The following PRDM16 variants were observed in gnomAD, a reference collection of about 807,000 sequenced individuals.
The protein encoded by PRDM16 is histone-lysine N-methyltransferase PRDM16.
Under a neutral mutation model 110.6 loss-of-function variants are expected in PRDM16, and 23 were observed. The ratio of observed to expected loss-of-function variants is 0.21; its 90% CI spans 0.15 to 0.29. PRDM16 has a LOEUF of 0.29. Among genes scored for constraint, PRDM16 ranks in the 10% least tolerant of loss-of-function variants. PRDM16 has a pLI of 1.00. For missense variants in PRDM16, 1,615 were observed against 1,794.3 expected, an observed-to-expected ratio of 0.90 and a Z score of 1.81; for synonymous variants, 799 against 781.8, an observed-to-expected ratio of 1.02 and a Z score of -0.37.
chr1:3,365,915 C>T (rs1045883770), intron 3 of PRDM16, among the ~76,000 whole-genome samples: 1 of 146,974 alleles, frequency 6.8e-6, no homozygotes, highest in Non-Finnish European at 1.5e-5. Context: ...CACATGCACA[C>T]ATACACACAC....
intron 2 of PRDM16, among the ~76,000 whole-genome samples, chr1:3,200,742 T>C (rs1261894113): frequency 6.6e-6 from 1 of 152,166 alleles, no homozygotes; most frequent in Non-Finnish European, 1.5e-5. Flanking sequence ...CAGAGAGTGC[T>C]GCTTGTCCTA....
intron 3 of PRDM16, among the ~76,000 whole-genome samples, chr1:3,336,545 A>T (rs922720756): frequency 1.4e-5 from 2 of 145,430 alleles, no homozygotes; most frequent in Non-Finnish European, 3.0e-5. Flanking sequence ...TCTGTGTGTG[A>T]GTGCATGCAT....
intron 1 of PRDM16, among the ~76,000 whole-genome samples, chr1:3,151,565 T>A (rs1375280362): frequency 6.6e-6 from 1 of 152,192 alleles, no homozygotes; most frequent in African/African-American, 2.4e-5. Flanking sequence ...GAGGTGAGAT[T>A]TACCTGATTC....
At chr1:3,197,046 G>A (rs1326934547) in intron 2 of PRDM16, among the ~76,000 whole-genome samples, 6 of 152,130 alleles carry the variant, frequency 3.9e-5, no homozygotes, top group South Asian at 2.1e-4. Flanking sequence ...TCCTGTCCCC[G>A]GCCACAGCTG....
chr1:3,163,420 G>A (rs2742674), intron 1 of PRDM16, among the ~76,000 whole-genome samples: 6,673 of 115,104 alleles, frequency 0.058, 621 homozygotes, highest in South Asian at 0.092. Flanking sequence ...TCTCCAAGGC[G>A]TGCACAGCCG....
intron 2 of PRDM16, among the ~76,000 whole-genome samples, chr1:3,220,330 C>T (rs1046075765): frequency 1.3e-5 from 2 of 152,176 alleles, no homozygotes; most frequent in African/African-American, 2.4e-5. Flanking sequence ...GCCCCAGGAC[C>T]TGTGGTCTGT....
rs985004388 is a variant in PRDM16 at position 3,190,391 on chromosome 1, G to A, written c.387+3917G>A. 4.6e-5 allele frequency among the ~76,000 whole-genome samples: 7 copies of A among 152,176 alleles called. No individual in the cohort carries two copies. The highest frequency in any genetic ancestry group is 4.1e-4 in the South Asian group (2 of 4,828). On this transcript the variant is annotated intron_variant, in intron 2 of 16. Coordinates refer to ENST00000270722, the MANE Select transcript of PRDM16 (RefSeq NM_022114.4). The surrounding 1 kb of genome is among the most constrained non-coding windows in gnomAD (Gnocchi z 5.0). ...GGCCTCAGTTGCTGGTCGGAAGCCT[G>A]CATTCCTTCTACGCTGAGGCTGACG...
At chr1:3,093,275 G>C (rs1409167790) in intron 1 of PRDM16, among the ~76,000 whole-genome samples, 1 of 152,256 alleles carries the variant, frequency 6.6e-6, no homozygotes, top group Non-Finnish European at 1.5e-5. Flanking sequence ...GCCCAGGCTA[G>C]CTCCATGCTG....
rs894747768 is a variant in PRDM16, at chr1:3,353,840, T to C, written c.439-31312T>C. 4.6e-5 allele frequency among the ~76,000 whole-genome samples: 7 copies of C among 152,058 alleles called. No individual in the cohort carries two copies. The highest frequency in any genetic ancestry group is 7.4e-5 in the Non-Finnish European group (5 of 67,972). On this transcript the variant is annotated intron_variant, in intron 3 of 16. Transcript: ENST00000270722. The surrounding 1 kb of genome is among the most constrained non-coding windows in gnomAD (Gnocchi z 5.4). ...CCCCTGCTCCCAGCGGAGCCAGTAG[T>C]GATGACAGGCGCAGCTGGGAGCAGC...
At chr1:3,116,135 C>T (rs1422120692) in intron 1 of PRDM16, among the ~76,000 whole-genome samples, 1 of 152,154 alleles carries the variant, frequency 6.6e-6, no homozygotes. Flanking sequence ...TCAGGCCTAG[C>T]GTGGGTGGTC....
intron 3 of PRDM16, among the ~76,000 whole-genome samples, chr1:3,377,888 ACTT>A (rs894448697): frequency 6.6e-6 from 1 of 152,088 alleles, no homozygotes; most frequent in Non-Finnish European, 1.5e-5. Context: ...TCGTCTACCC[ACTT>A]CTTATCTGTA....
chr1:3,356,372 C>T (rs765424732), intron 3 of PRDM16, among the ~76,000 whole-genome samples: 11 of 152,196 alleles, frequency 7.2e-5, no homozygotes, highest in Non-Finnish European at 1.6e-4. Context: ...GTGCGGCTGC[C>T]GTCTCATCAG....
chr1:3,098,526 T>C (rs1308473685), intron 1 of PRDM16, among the ~76,000 whole-genome samples: 2 of 151,898 alleles, frequency 1.3e-5, no homozygotes, highest in Non-Finnish European at 2.9e-5. Context: ...GCCAGAGAGG[T>C]TCCCCCATGG....
intron 1 of PRDM16, among the ~76,000 whole-genome samples, chr1:3,172,547 A>C (rs80114626): frequency 0.052 from 7,976 of 152,308 alleles, 228 homozygotes; most frequent in Admixed American, 0.072. Flanking sequence ...TGGACACACC[A>C]CAGTGTCCAT....
rs532705651 is a variant in PRDM16 at position 3,438,394 on chromosome 1, G to A, written c.*4583G>A. On this transcript the variant is annotated 3_prime_UTR_variant, in exon 17 of 17. Transcript: ENST00000270722. ...CTGTGGGAGAAGAATGAAATAAGACGTGAAGTGTAGGAAATCATGAAAAGA... is the reference window on the plus strand; with the variant it reads ...CTGTGGGAGAAGAATGAAATAAGACATGAAGTGTAGGAAATCATGAAAAGA... 3.0e-5 allele frequency: 6 copies of A among 203,116 alleles called. No individual in the cohort carries two copies. In the South Asian group the frequency reaches 5.7e-4, roughly 19 times the overall value. 12.6% of individuals were successfully genotyped at this position (203,116 alleles called of 1,614,324 possible).
At chr1:3,140,171 C>A (rs969314948) in intron 1 of PRDM16, among the ~76,000 whole-genome samples, 2 of 152,242 alleles carry the variant, frequency 1.3e-5, no homozygotes, top group Admixed American at 6.5e-5. Flanking sequence ...GGTCCCCGCT[C>A]CCCCGGCGGA....
intron 1 of PRDM16, among the ~76,000 whole-genome samples, chr1:3,104,912 G>A (rs1256338940): frequency 1.3e-5 from 2 of 152,164 alleles, no homozygotes; most frequent in African/African-American, 2.4e-5. Flanking sequence ...ACACCCACCC[G>A]GAGGTAGGGT....
chr1:3,301,617 T>C (rs1641210495), intron 3 of PRDM16, among the ~76,000 whole-genome samples: 1 of 152,196 alleles, frequency 6.6e-6, no homozygotes, highest in East Asian at 1.9e-4. Context: ...AACTACAGAC[T>C]GTGTCCAGGG....
chr1:3,382,158 C>T lies in PRDM16; in HGVS notation c.439-2994C>T, dbSNP rs1004553717. On this transcript the variant is annotated intron_variant, in intron 3 of 16. Coordinates refer to ENST00000270722, the MANE Select transcript of PRDM16 (RefSeq NM_022114.4). This position sits in a 1 kb window ranked among gnomAD's most constrained non-coding sequence, Gnocchi z 6.6. ...GGCCTTTGTGCCTGGGGAGGGGCCT[C>T]ACCACGTGGGGCTGGTGGCCCTGGG... Among the ~76,000 whole-genome samples, 1 of 152,214 alleles carries T rather than the reference C, an allele frequency of 6.6e-6. No homozygotes were observed. Among genetic ancestry groups the T allele is most frequent in the Non-Finnish European group, 1.5e-5 (1 of 68,024 alleles).
Sources: allele counts gnomAD v4.1 joint callset (sites outside exome capture counted in the v4.1 genomes callset), GRCh38; gene constraint gnomAD v4.1.1; non-coding constraint Gnocchi (gnomAD v3.1); transcripts MANE v1.5; gene names NCBI Gene and HGNC (gene_info 2026-07-23, HGNC 2026-07-21).